LYZL4: variants seen among roughly 807,000 people sequenced by gnomAD.
LYZL4 encodes the protein lysozyme like 4.
In LYZL4, 13 loss-of-function variants were observed where a neutral mutation model predicts 17.6. That is an observed-to-expected ratio of 0.74 (90% CI 0.48 to 1.18). The LOEUF is 1.18. Ranked by LOEUF, LYZL4 falls within the 50% of genes most tolerant of loss-of-function variation. The pLI, the probability that LYZL4 is intolerant of heterozygous loss-of-function variation, is 0.00. For missense variants in LYZL4, 174 were observed against 188.2 expected (o/e 0.92, Z 0.44); for synonymous variants, 64 against 67.7 (o/e 0.95, Z 0.27).
chr3:42,386,085 T>C, the LYZL4 span, among the ~76,000 whole-genome samples: 97,593 of 151,868 alleles, frequency 0.64, 31,745 homozygotes, highest in East Asian at 0.85. Flanking sequence ...CCCCCCGACC[T>C]TCACTCCTGC....
the LYZL4 span, among the ~76,000 whole-genome samples, chr3:42,388,002 C>T: frequency 1.3e-5 from 2 of 152,276 alleles, no homozygotes; most frequent in South Asian, 2.1e-4. Flanking sequence ...ACCACAAGGT[C>T]GGTCATCACA....
At chr3:42,401,594 A>G (rs1698654307) in intron 4 of LYZL4, among the ~76,000 whole-genome samples, 1 of 152,196 alleles carries the variant, frequency 6.6e-6, no homozygotes, top group Non-Finnish European at 1.5e-5. Context: ...CATCCTCAAT[A>G]AGATGTCACC....
At chr3:42,367,529 C>A in the LYZL4 span, among the ~76,000 whole-genome samples, 2 of 152,140 alleles carry the variant, frequency 1.3e-5, no homozygotes, top group Non-Finnish European at 2.9e-5. Context: ...GGCTGGAGGG[C>A]ATGAGAACGG....
intron 3 of LYZL4, among the ~76,000 whole-genome samples, chr3:42,405,411 C>G (rs1326368966): frequency 6.6e-6 from 1 of 152,160 alleles, no homozygotes; most frequent in Non-Finnish European, 1.5e-5. Context: ...GTTCCTGTGC[C>G]TTTTCCTCCT....
At chr3:42,374,472 AC>A in the LYZL4 span, among the ~76,000 whole-genome samples, 2 of 152,104 alleles carry the variant, frequency 1.3e-5, no homozygotes, top group African/African-American at 4.8e-5. Context: ...AGTACTTTTC[AC>A]CCAGCTTTGG....
At chr3:42,402,136 T>TAAAAA (rs61260579) in intron 4 of LYZL4, among the ~76,000 whole-genome samples, 24 of 124,056 alleles carry the variant, frequency 1.9e-4, no homozygotes, top group African/African-American at 7.3e-4. Flanking sequence ...TTGAGAAGGT[T>TAAAAA]AAAAAAAAAA....
the LYZL4 span, among the ~76,000 whole-genome samples, chr3:42,367,368 C>T: frequency 2.6e-5 from 4 of 152,206 alleles, no homozygotes; most frequent in Non-Finnish European, 4.4e-5. Flanking sequence ...TTATTAAGTA[C>T]AGGCAGATGA....
chr3:42,388,690 T>C, the LYZL4 span, among the ~76,000 whole-genome samples: 1 of 152,184 alleles, frequency 6.6e-6, no homozygotes, highest in Non-Finnish European at 1.5e-5. Context: ...GCTAAGCTAG[T>C]TGTGTGAGTC....
chr3:42,407,546 A>G (rs1577158450), intron 1 of LYZL4: 3 of 392,712 alleles, frequency 7.6e-6, no homozygotes, highest in African/African-American at 2.0e-5. Context: ...CCCAACCCCA[A>G]TTCTTTCCAT....
At chr3:42,403,730 G>T (rs1405549086) in intron 4 of LYZL4, among the ~76,000 whole-genome samples, 1 of 152,088 alleles carries the variant, frequency 6.6e-6, no homozygotes, top group African/African-American at 2.4e-5. Flanking sequence ...AAACCTTGTA[G>T]GAACTTAAAG....
At chr3:42,374,215 G>A in the LYZL4 span, among the ~76,000 whole-genome samples, 1 of 152,152 alleles carries the variant, frequency 6.6e-6, no homozygotes, top group Admixed American at 6.5e-5. Flanking sequence ...TAAGGTGTGA[G>A]GAAACAAAGG....
At chr3:42,383,444 A>C in the LYZL4 span, among the ~76,000 whole-genome samples, 1 of 151,114 alleles carries the variant, frequency 6.6e-6, no homozygotes, top group Non-Finnish European at 1.5e-5. Context: ...TCCACCAAAA[A>C]AAAAAAAAAA....
the LYZL4 span, among the ~76,000 whole-genome samples, chr3:42,365,084 A>G: frequency 6.6e-6 from 1 of 152,202 alleles, no homozygotes; most frequent in Non-Finnish European, 1.5e-5. Context: ...GTGCTAGACT[A>G]AAAGAGATTT....
the LYZL4 span, among the ~76,000 whole-genome samples, chr3:42,378,653 G>A: frequency 3.9e-5 from 6 of 152,132 alleles, no homozygotes; most frequent in African/African-American, 1.4e-4. Flanking sequence ...TCTTCCCAGT[G>A]CACCTCAACT....
At chr3:42,363,659 T>C in the LYZL4 span, among the ~76,000 whole-genome samples, 1 of 152,186 alleles carries the variant, frequency 6.6e-6, no homozygotes, top group African/African-American at 2.4e-5. Flanking sequence ...AGGAACCAGA[T>C]AGCCCAAGTT....
chr3:42,361,323 C>T, the LYZL4 span, among the ~76,000 whole-genome samples: 6 of 152,282 alleles, frequency 3.9e-5, no homozygotes, highest in Non-Finnish European at 8.8e-5. Flanking sequence ...TTTGTCACAT[C>T]TTCATAGCAA....
the LYZL4 span, among the ~76,000 whole-genome samples, chr3:42,378,680 T>C: frequency 6.6e-6 from 1 of 152,184 alleles, no homozygotes; most frequent in Non-Finnish European, 1.5e-5. Flanking sequence ...GTTCCACGTG[T>C]TAAGGTGCAC....
the LYZL4 span, among the ~76,000 whole-genome samples, chr3:42,384,349 GAAGA>G: frequency 6.6e-6 from 1 of 152,100 alleles, no homozygotes; most frequent in African/African-American, 2.4e-5. Context: ...TATAAACCAA[GAAGA>G]AAGAAGGGAT....
At chr3:42,368,703 C>T in the LYZL4 span, among the ~76,000 whole-genome samples, 411 of 152,108 alleles carry the variant, frequency 2.7e-3, 2 homozygotes, top group African/African-American at 8.4e-3. Context: ...TTTCAATATG[C>T]GCCCAGATTG....
Sources: gnomAD v4.1 joint callset for allele counts (sites outside exome capture counted in the v4.1 genomes callset) on GRCh38, gnomAD v4.1.1 for gene constraint, MANE v1.5 for transcripts, NCBI Gene and HGNC (gene_info 2026-07-23, HGNC 2026-07-21) for gene names.